DENND1A: variants seen among roughly 807,000 people sequenced by gnomAD.
DENND1A encodes DENN domain-containing protein 1A.
In DENND1A, 51 loss-of-function variants were observed where a neutral mutation model predicts 113.7. That is an observed-to-expected ratio of 0.45 (90% confidence interval 0.36 to 0.57). DENND1A has a LOEUF of 0.57. DENND1A is among the 20% of genes least tolerant of loss of function. The pLI is 0.00. For synonymous variants in DENND1A, 565 were observed against 570.8 expected, an observed-to-expected ratio of 0.99 and a Z score of 0.14; for missense variants, 1,258 against 1,395.9, an observed-to-expected ratio of 0.90 and a Z score of 1.57.
chr9:123,662,646 C>T (rs184141392), intron 8 of DENND1A, among the ~76,000 whole-genome samples: 2 of 152,166 alleles, frequency 1.3e-5, no homozygotes, highest in South Asian at 2.1e-4. Context: ...AAACTACTGG[C>T]GCATGTCTCA....
chr9:123,579,843 T>C (rs2058804247), intron 12 of DENND1A, among the ~76,000 whole-genome samples: 1 of 152,098 alleles, frequency 6.6e-6, no homozygotes, highest in Non-Finnish European at 1.5e-5. Context: ...TGAAATACAA[T>C]AAATACCTTA....
At chr9:123,401,801 C>T (rs373199541) in intron 21 of DENND1A, 133 of 1,614,146 alleles carry the variant, frequency 8.2e-5, no homozygotes, top group South Asian at 1.8e-4. Context: ...GGAAAAGCAA[C>T]GGCGTAAGTC....
intron 5 of DENND1A, among the ~76,000 whole-genome samples, chr9:123,710,677 T>TTG (rs200132212): frequency 0.077 from 11,685 of 151,262 alleles, 505 homozygotes; most frequent in Admixed American, 0.11. Context: ...TTGGAGGTTT[T>TTG]TTTTTTTTTT....
intron 5 of DENND1A, among the ~76,000 whole-genome samples, chr9:123,715,493 C>A (rs1478366374): frequency 1.3e-5 from 2 of 152,144 alleles, no homozygotes; most frequent in African/African-American, 4.8e-5. Context: ...AAAGGAGACA[C>A]TTAACACAGG....
chr9:123,427,879 G>A (rs2045861384), intron 19 of DENND1A, among the ~76,000 whole-genome samples: 1 of 152,204 alleles, frequency 6.6e-6, no homozygotes, highest in Non-Finnish European at 1.5e-5. Flanking sequence ...GAGTTACTAG[G>A]AAGTGACAGT....
intron 3 of DENND1A, 54 bp downstream of exon 3, chr9:123,792,533 G>A (rs919172646): frequency 3.4e-5 from 54 of 1,568,198 alleles, no homozygotes; most frequent in Non-Finnish European, 4.4e-5. Flanking sequence ...ATAATATGTT[G>A]AACAACTCTG....
chr9:123,923,422 C>T (rs557034485), intron 1 of DENND1A, among the ~76,000 whole-genome samples: 44 of 152,040 alleles, frequency 2.9e-4, no homozygotes, highest in South Asian at 2.1e-3. Flanking sequence ...AGCACTGTGG[C>T]GGAGAAAGGG....
At chr9:123,714,901 T>C (rs1052087658) in intron 5 of DENND1A, among the ~76,000 whole-genome samples, 3 of 151,970 alleles carry the variant, frequency 2.0e-5, no homozygotes, top group African/African-American at 7.3e-5. Flanking sequence ...TTTGTTTACG[T>C]CCAGGCACAG....
At chr9:123,449,533 C>CAAAA (rs34903069) in intron 18 of DENND1A, among the ~76,000 whole-genome samples, 8 of 72,620 alleles carry the variant, frequency 1.1e-4, no homozygotes, top group Admixed American at 1.0e-3. Flanking sequence ...GACTCCGTCT[C>CAAAA]AAAAAAAAAA....
chr9:123,809,891 G>A lies in DENND1A; in HGVS notation c.89-17261C>T, dbSNP rs1182693274. Among the ~76,000 whole-genome samples, 8 of 152,028 alleles carry A rather than the reference G, an allele frequency of 5.3e-5. No individual in the cohort carries two copies. The South Asian group carries it at 1.2e-3, about 24-fold the overall frequency. ...TCACCACGTCGGCCAGGCTGGTCTCGAACTCCTGAACTTGATCAAGTGATC... is the reference window on the plus strand; with the variant it reads ...TCACCACGTCGGCCAGGCTGGTCTCAAACTCCTGAACTTGATCAAGTGATC... On this transcript the variant is annotated intron_variant, in intron 2 of 23. Transcript: ENST00000394215.
intron 15 of DENND1A, among the ~76,000 whole-genome samples, chr9:123,456,020 C>G (rs567894075): frequency 6.6e-6 from 1 of 152,192 alleles, no homozygotes; most frequent in Non-Finnish European, 1.5e-5. Context: ...CTGGGTCCTC[C>G]GCTTTTTACT....
At chr9:123,398,785 C>T (rs934687370) in intron 21 of DENND1A, among the ~76,000 whole-genome samples, 1 of 150,982 alleles carries the variant, frequency 6.6e-6, no homozygotes, top group Non-Finnish European at 1.5e-5. Flanking sequence ...CCATGGAAAC[C>T]ACCACACAGC....
At chr9:123,578,753 C>G (rs1444242246) in intron 12 of DENND1A, among the ~76,000 whole-genome samples, 2 of 152,096 alleles carry the variant, frequency 1.3e-5, no homozygotes, top group African/African-American at 2.4e-5. Flanking sequence ...TAAATCAGTA[C>G]AATTACACAA....
chr9:123,856,593 G>C (rs1844240816), intron 2 of DENND1A, among the ~76,000 whole-genome samples: 1 of 152,192 alleles, frequency 6.6e-6, no homozygotes, highest in Non-Finnish European at 1.5e-5. Context: ...TAGGGTGTCA[G>C]ATCCTGAGGA....
chr9:123,604,734 A>AC (rs1298770139), intron 11 of DENND1A, among the ~76,000 whole-genome samples: 7 of 152,214 alleles, frequency 4.6e-5, no homozygotes, highest in Non-Finnish European at 8.8e-5. Flanking sequence ...TGCATTGCAG[A>AC]CCAGGAGAAA....
intron 13 of DENND1A, among the ~76,000 whole-genome samples, chr9:123,483,816 C>T (rs1304879323): frequency 2.6e-5 from 4 of 152,204 alleles, no homozygotes; most frequent in Non-Finnish European, 4.4e-5. Context: ...TGCTGCGAGG[C>T]ACAGACAGAT....
chr9:123,472,810 C>G (rs2049549209), intron 13 of DENND1A, among the ~76,000 whole-genome samples: 2 of 152,238 alleles, frequency 1.3e-5, no homozygotes, highest in African/African-American at 2.4e-5. Context: ...AACACGGGGC[C>G]AGCCACGGTT....
At chr9:123,537,283 T>C (rs2055858072) in intron 13 of DENND1A, among the ~76,000 whole-genome samples, 1 of 151,728 alleles carries the variant, frequency 6.6e-6, no homozygotes, top group Non-Finnish European at 1.5e-5. Context: ...AATAAAGGAA[T>C]ATAAGAACAA....
chr9:123,692,149 A>G (rs1463833225), intron 5 of DENND1A, among the ~76,000 whole-genome samples: 1 of 152,218 alleles, frequency 6.6e-6, no homozygotes, highest in Non-Finnish European at 1.5e-5. Flanking sequence ...TTTACCTAAC[A>G]AAGTGGTGGT....
Sources: gnomAD v4.1 joint callset for allele counts (sites outside exome capture counted in the v4.1 genomes callset) on GRCh38, gnomAD v4.1.1 for gene constraint, MANE v1.5 for transcripts, NCBI Gene and HGNC (gene_info 2026-07-23, HGNC 2026-07-21) for gene names.